The following DOCK2 variants were observed in gnomAD, a reference collection of about 807,000 sequenced individuals.
DOCK2 encodes the protein dedicator of cytokinesis protein 2.
In DOCK2, 87 loss-of-function variants were observed where a neutral mutation model predicts 248.9. That is an observed-to-expected ratio of 0.35 (90% CI 0.29 to 0.42). The LOEUF (loss-of-function observed/expected upper bound fraction) is 0.42. Ranked by LOEUF, DOCK2 falls within the 10% of genes least tolerant of loss-of-function variation. The pLI is 1.00. For missense variants in DOCK2, 1,747 were observed against 2,300.2 expected, an observed-to-expected ratio of 0.76 and a Z score of 4.92; for synonymous variants, 805 against 821.6, an observed-to-expected ratio of 0.98 and a Z score of 0.35.
At chr5:169,767,803 A>G (rs1764873902) in intron 25 of DOCK2, among the ~76,000 whole-genome samples, 1 of 152,256 alleles carries the variant, frequency 6.6e-6, no homozygotes, top group Non-Finnish European at 1.5e-5. Flanking sequence ...CAGGTATTAC[A>G]TACAGCATAA....
intron 27 of DOCK2, among the ~76,000 whole-genome samples, chr5:169,935,629 G>T (rs1775954649): frequency 6.6e-6 from 1 of 152,130 alleles, no homozygotes; most frequent in South Asian, 2.1e-4. Flanking sequence ...TGAAATGAAG[G>T]TCTTCATAGT....
At position 169,662,875 on chromosome 5, in the gene DOCK2, A is replaced by T. The variant is rs114210614; in HGVS notation, c.128-6413A>T. Among the ~76,000 whole-genome samples, 1,440 of 152,268 alleles carry T rather than the reference A, an allele frequency of 9.5e-3. 23 individuals carry two copies. Among genetic ancestry groups the T allele is most frequent in the African/African-American group, 0.033 (1,356 of 41,536 alleles). On this transcript the variant is annotated intron_variant, in intron 2 of 51. Transcript: ENST00000520908. The stretch of plus-strand genomic sequence containing the variant: ...CCTCCCCTGGCCCTTCCCAAATCTC[A>T]TGTCCTTCTTACATTGCAAAATCAG...
chr5:169,790,203 T>G (rs1313374300), intron 25 of DOCK2, among the ~76,000 whole-genome samples: 1 of 152,212 alleles, frequency 6.6e-6, no homozygotes, highest in East Asian at 1.9e-4. Context: ...ACAAGAGGCT[T>G]TTAATGCATG....
chr5:169,706,629 G>T (rs1370325809), intron 14 of DOCK2, among the ~76,000 whole-genome samples: 1 of 152,232 alleles, frequency 6.6e-6, no homozygotes, highest in Non-Finnish European at 1.5e-5. Flanking sequence ...GCCTCGGGAA[G>T]TTCTGGAAGG....
In DOCK2 at chr5:169,742,523, A is replaced by T. The variant is rs1334066961; in HGVS notation, c.2268-4873A>T. Among the ~76,000 whole-genome samples, 3 of 152,208 alleles carry T rather than the reference A, an allele frequency of 2.0e-5. No individual in the cohort carries two copies. In the East Asian group the frequency reaches 5.8e-4, roughly 29 times the overall value. On this transcript the variant is annotated intron_variant, in intron 22 of 51. Coordinates refer to ENST00000520908, the MANE Select transcript of DOCK2 (RefSeq NM_004946.3). ...GAAGGAATCGGAGGGATGGATGCCT[A>T]TAAATGTGGAAGTGACTGAGGTACA... is the stretch of plus-strand genomic sequence containing the variant.
At chr5:169,800,944 CTTTTTTTTTTTT>C (rs60140740) in intron 25 of DOCK2, among the ~76,000 whole-genome samples, 7 of 53,186 alleles carry the variant, frequency 1.3e-4, no homozygotes, top group South Asian at 7.3e-4. Flanking sequence ...TTCTTTCTTT[CTTTTTTTTTTTT>C]TTTTTTTTTT....
In DOCK2 at chr5:169,914,118, A is replaced by G. The variant is rs151167800; in HGVS notation, c.2800-68950A>G. Among the ~76,000 whole-genome samples the G allele has an allele frequency of 1.5e-4, 23 of 152,310 alleles. No homozygotes were observed. The East Asian group carries it at 4.2e-3, about 28-fold the overall frequency. ...TCTGGTCCCTCAGAACGCCTTTTGT[A>G]TAGATATTATACATCCTGAAGACAA... On this transcript the variant is annotated intron_variant, in intron 27 of 51. Transcript: ENST00000520908.
At chr5:169,728,368 G>T (rs531511838) in intron 22 of DOCK2, among the ~76,000 whole-genome samples, 1 of 152,146 alleles carries the variant, frequency 6.6e-6, no homozygotes, top group Non-Finnish European at 1.5e-5. Context: ...TATAGCACAA[G>T]GTGAGTAATA....
rs545296564 is a variant in DOCK2 at position 169,903,529 on chromosome 5, C to T, written c.2799+62677C>T. 8.9e-4 allele frequency among the ~76,000 whole-genome samples: 21 copies of T among 23,680 alleles called. No individual in the cohort carries two copies. In the South Asian group the frequency reaches 0.026, roughly 30 times the overall value. The allele number at this position is 23,680 out of a possible 152,430, so 15.5% of individuals were successfully genotyped here. A position where few individuals can be genotyped will look rare whatever the true frequency, so the allele number is the denominator to read the frequency against. On this transcript the variant is annotated intron_variant, in intron 27 of 51. Transcript: ENST00000520908. ...GAAGAGAGTAGGAGCCAGCGGGGGCCGGGGGGCAGGGGGCGTTCGGGTGGG... is the reference window on the plus strand; with the variant it reads ...GAAGAGAGTAGGAGCCAGCGGGGGCTGGGGGGCAGGGGGCGTTCGGGTGGG...
chr5:169,759,649 C>CATCAACA, intron 23 of DOCK2, 56 bp from the exon 24 acceptor site: 1 of 1,592,904 alleles, frequency 6.3e-7, no homozygotes, highest in African/African-American at 1.3e-5. Flanking sequence ...ACCCTCTTTG[C>CATCAACA]CAGCACAGAC....
chr5:169,951,585 T>G (rs1342057168), intron 27 of DOCK2, among the ~76,000 whole-genome samples: 3 of 152,230 alleles, frequency 2.0e-5, no homozygotes, highest in African/African-American at 7.2e-5. Context: ...GTGCACCCAT[T>G]CATTCAACAG....
At chr5:169,904,649 C>T (rs1483416165) in intron 27 of DOCK2, among the ~76,000 whole-genome samples, 6 of 152,194 alleles carry the variant, frequency 3.9e-5, no homozygotes, top group Non-Finnish European at 8.8e-5. Context: ...GAGGGCCCCG[C>T]AGTCCTTTAA....
rs528933898 is a variant in DOCK2 at position 169,922,670 on chromosome 5, T to C, written c.2800-60398T>C. ...ATAGTGCTCAGAGAGGTTAAGTGAT[T>C]TGTATATGGTCACACAGCTTAATGT... is the stretch of plus-strand genomic sequence containing the variant. On this transcript the variant is annotated intron_variant, in intron 27 of 51. Coordinates refer to ENST00000520908, the MANE Select transcript of DOCK2 (RefSeq NM_004946.3). 4.6e-5 allele frequency among the ~76,000 whole-genome samples: 7 copies of C among 152,370 alleles called. No individual in the cohort carries two copies. The South Asian group carries it at 1.4e-3, about 32-fold the overall frequency.
chr5:169,648,052 G>A (rs1175308763), intron 1 of DOCK2, among the ~76,000 whole-genome samples: 2 of 152,164 alleles, frequency 1.3e-5, no homozygotes, highest in South Asian at 2.1e-4. Context: ...GTGTGTGTGT[G>A]CATGTGTGAG....
At chr5:169,912,886 A>G (rs1326779826) in intron 27 of DOCK2, among the ~76,000 whole-genome samples, 3 of 151,114 alleles carry the variant, frequency 2.0e-5, no homozygotes, top group Non-Finnish European at 4.4e-5. Context: ...CTTAATTAGC[A>G]TTTATTGTTT....
chr5:170,081,726 A>G, intron 50 of DOCK2, 116 bp from the exon 51 acceptor site: 1 of 1,205,550 alleles, frequency 8.3e-7, no homozygotes, highest in Non-Finnish European at 1.1e-6. Context: ...TGGCACATAC[A>G]ATGTGTGATC....
At chr5:169,748,607 A>T (rs921416903) in intron 23 of DOCK2, among the ~76,000 whole-genome samples, 4 of 152,202 alleles carry the variant, frequency 2.6e-5, no homozygotes, top group African/African-American at 9.7e-5. Context: ...AATAATCCTG[A>T]TAATTCTAAA....
At chr5:169,675,515 G>A (rs1759283231) in intron 6 of DOCK2, among the ~76,000 whole-genome samples, 1 of 152,228 alleles carries the variant, frequency 6.6e-6, no homozygotes, top group South Asian at 2.1e-4. Flanking sequence ...TGTACTGTGA[G>A]AAGTTCGATA....
At chr5:169,723,978 C>G (rs892292450) in intron 22 of DOCK2, among the ~76,000 whole-genome samples, 1 of 152,204 alleles carries the variant, frequency 6.6e-6, no homozygotes, top group African/African-American at 2.4e-5. Flanking sequence ...AGCCCCCTTT[C>G]ACAAAGAAGG....
Sources: gnomAD v4.1 joint callset for allele counts (sites outside exome capture counted in the v4.1 genomes callset) on GRCh38, gnomAD v4.1.1 for gene constraint, MANE v1.5 for transcripts, NCBI Gene and HGNC (gene_info 2026-07-23, HGNC 2026-07-21) for gene names.